RIN3: variants seen among roughly 807,000 people sequenced by gnomAD.
The protein encoded by RIN3 is RAB5 interacting protein 3.
A neutral mutation model predicts 76.3 loss-of-function variants in RIN3; 54 were observed. The observed-to-expected ratio is 0.71, with a 90% CI of 0.57 to 0.89. The LOEUF is 0.89. RIN3 is among the 40% of genes least tolerant of loss of function. The pLI is 0.00. For missense variants in RIN3, 1,256 were observed against 1,322.1 expected, an observed-to-expected ratio of 0.95 and a Z score of 0.78; for synonymous variants, 576 against 564.0, an observed-to-expected ratio of 1.02 and a Z score of -0.30.
rs77048291 is a variant in RIN3, at chr14:92,605,246, A to G, written c.368-10161A>G. On this transcript the variant is annotated intron_variant, in intron 3 of 9. Coordinates refer to ENST00000216487, the MANE Select transcript of RIN3 (RefSeq NM_024832.5). ...TTTATTTCTACATACTATGAGCACA[A>G]TAAGTCCTTGTTGATGAGTAAATAC... Among the ~76,000 whole-genome samples, 550 of 152,362 alleles carry G rather than the reference A, an allele frequency of 3.6e-3. 14 individuals carry two copies. The South Asian group carries it at 0.054, about 15-fold the overall frequency.
At chr14:92,601,358 G>T (rs11627029) in intron 3 of RIN3, among the ~76,000 whole-genome samples, 1 of 152,182 alleles carries the variant, frequency 6.6e-6, no homozygotes. Context: ...CCACGTCCTA[G>T]CCTCACCGCT....
At chr14:92,662,330 G>A (rs1202202359) in intron 7 of RIN3, among the ~76,000 whole-genome samples, 1 of 152,220 alleles carries the variant, frequency 6.6e-6, no homozygotes, top group Non-Finnish European at 1.5e-5. Context: ...GAGCCCCGGG[G>A]GACCCTTTGC....
chr14:92,588,214 C>CTTTTTTTTTTTTTT (rs141155255), intron 3 of RIN3, among the ~76,000 whole-genome samples: 1 of 58,760 alleles, frequency 1.7e-5, no homozygotes, highest in Non-Finnish European at 3.1e-5. Context: ...CCATAGCACT[C>CTTTTTTTTTTTTTT]TTTTTTTTTT....
intron 2 of RIN3, among the ~76,000 whole-genome samples, chr14:92,575,104 G>A (rs1898183023): frequency 6.6e-6 from 1 of 152,050 alleles, no homozygotes; most frequent in South Asian, 2.1e-4. Context: ...GACTAGGGAG[G>A]CCATTAATTA....
intron 3 of RIN3, among the ~76,000 whole-genome samples, chr14:92,608,469 A>G (rs752376663): frequency 2.6e-5 from 4 of 152,202 alleles, no homozygotes; most frequent in African/African-American, 4.8e-5. Context: ...AGATGCACAC[A>G]CAGTCTCTGC....
chr14:92,562,126 C>T (rs764635705), intron 2 of RIN3, among the ~76,000 whole-genome samples: 12 of 152,192 alleles, frequency 7.9e-5, no homozygotes, highest in Non-Finnish European at 1.6e-4. Context: ...TTTTGAGGAA[C>T]AGTGATCAGG....
In RIN3 at chr14:92,537,634, CTTTTTTTTTTTTT is replaced by C. The variant is rs576683908; in HGVS notation, c.45-18102_45-18090del. ...CAGCTATAAGTGAGTGCCTTAGGGA[CTTTTTTTTTTTTT>C]TTTTTTTTTTTTTTGGAGACAGAGT... is the stretch of plus-strand genomic sequence containing the variant. On this transcript the variant is annotated intron_variant, in intron 1 of 9. Transcript: ENST00000216487. 1.7e-4 allele frequency among the ~76,000 whole-genome samples: 9 copies of C among 51,638 alleles called. 1 individual carries two copies. Among genetic ancestry groups the C allele is most frequent in the African/African-American group, 3.9e-4 (5 of 12,822 alleles). 33.9% of individuals were successfully genotyped at this position (51,638 alleles called of 152,430 possible).
At chr14:92,526,198 G>A (rs1896725395) in intron 1 of RIN3, among the ~76,000 whole-genome samples, 1 of 152,210 alleles carries the variant, frequency 6.6e-6, no homozygotes, top group South Asian at 2.1e-4. Flanking sequence ...GTTCACGCCT[G>A]TAATCCCAGC....
At chr14:92,644,472 A>C (rs1200321639) in intron 5 of RIN3, 1 of 151,948 alleles carries the variant, frequency 6.6e-6, no homozygotes, top group Non-Finnish European at 1.5e-5. Flanking sequence ...CACAGACAAG[A>C]CCTTCTCTCC....
chr14:92,662,563 T>C (rs900745138), intron 7 of RIN3, among the ~76,000 whole-genome samples: 2 of 152,242 alleles, frequency 1.3e-5, no homozygotes, highest in African/African-American at 4.8e-5. Flanking sequence ...GAAGTTTGCA[T>C]GTGGCCCAGC....
At chr14:92,684,723 A>G (rs1595510896) in intron 8 of RIN3, among the ~76,000 whole-genome samples, 2 of 152,272 alleles carry the variant, frequency 1.3e-5, no homozygotes, top group African/African-American at 4.8e-5. Flanking sequence ...CATTTTTTAA[A>G]TAAGCAAGAG....
intron 3 of RIN3, among the ~76,000 whole-genome samples, chr14:92,589,460 G>A (rs1884902545): frequency 6.6e-6 from 1 of 152,134 alleles, no homozygotes; most frequent in South Asian, 2.1e-4. Flanking sequence ...GCAAATACTG[G>A]TCGACTGGCT....
chr14:92,521,606 C>T (rs940057370), intron 1 of RIN3, among the ~76,000 whole-genome samples: 21 of 152,242 alleles, frequency 1.4e-4, no homozygotes, highest in South Asian at 8.3e-4. Context: ...CATACCTGCT[C>T]CCCCTTCCCC....
rs74947040 is a variant in RIN3, at chr14:92,600,059, G to A, written c.368-15348G>A. ...TCAGAGACCCTCCAGTTCTATGCCT[G>A]TGGTGGATTTAGGGATAGGAGCAGT... On this transcript the variant is annotated intron_variant, in intron 3 of 9. Coordinates refer to ENST00000216487, the MANE Select transcript of RIN3 (RefSeq NM_024832.5). 5.1e-4 allele frequency among the ~76,000 whole-genome samples: 78 copies of A among 152,334 alleles called. 1 individual carries two copies. The East Asian group carries it at 0.012, about 23-fold the overall frequency.
chr14:92,688,058 C>CGGCT lies in RIN3; in HGVS notation c.2766_2769dup (p.Phe924AlafsTer141). On this transcript the variant is annotated frameshift_variant, in exon 10 of 10. Coordinates refer to ENST00000216487, the MANE Select transcript of RIN3 (RefSeq NM_024832.5). LOFTEE classifies it high-confidence loss of function. ...CGCGGTGGAGCGGCCGCAGGCGCACCGGCTGTTCGTGCTGGTGGACGGGCG... is the reference window on the plus strand; with the variant it reads ...CGCGGTGGAGCGGCCGCAGGCGCACCGGCTGGCTGTTCGTGCTGGTGGACGGGCG... The CGGCT allele has an allele frequency of 6.2e-7, 1 of 1,602,488 alleles. No individual in the cohort carries two copies. The highest frequency in any genetic ancestry group is 8.5e-7 in the Non-Finnish European group (1 of 1,175,908).
intron 2 of RIN3, among the ~76,000 whole-genome samples, chr14:92,570,313 G>C (rs986170102): frequency 1.0e-5 from 1 of 97,018 alleles, no homozygotes; most frequent in Admixed American, 1.2e-4. Flanking sequence ...GAGTTCCCTC[G>C]TGGCAGATAC....
At chr14:92,527,823 C>T (rs542378927) in intron 1 of RIN3, among the ~76,000 whole-genome samples, 5 of 152,236 alleles carry the variant, frequency 3.3e-5, no homozygotes, top group African/African-American at 9.6e-5. Context: ...TCGTGTGACT[C>T]GAGAGTCCAT....
chr14:92,643,900 C>T lies in RIN3; in HGVS notation c.532+2571C>T, dbSNP rs535266088. Among the ~76,000 whole-genome samples, 22 of 151,782 alleles carry T rather than the reference C, an allele frequency of 1.4e-4. No homozygotes were observed. Among genetic ancestry groups the T allele is most frequent in the Admixed American group, 9.8e-4 (15 of 15,246 alleles). On this transcript the variant is annotated intron_variant, in intron 5 of 9. Transcript: ENST00000216487. This position sits in a 1 kb window ranked among gnomAD's most constrained non-coding sequence, Gnocchi z 4.8. The stretch of plus-strand genomic sequence containing the variant: ...CTGAGATTGCCCCACTGCACTCCAG[C>T]GTGGGCAACAGACTGAGACTCTGCC...
Position 92,685,421 on chromosome 14 carries a change from C to T in RIN3, c.2631+271C>T. The stretch of plus-strand genomic sequence containing the variant: ...GGGTGCAGGAGGAATGAGACACACC[C>T]ATCATTCCTTAGCCCCTCCTAGGAC... On this transcript the variant is annotated intron_variant, in intron 9 of 9. Transcript: ENST00000216487. This position sits in a 1 kb window ranked among gnomAD's most constrained non-coding sequence, Gnocchi z 4.7. The T allele has an allele frequency of 2.2e-6, 1 of 451,172 alleles. No individual in the cohort carries two copies. The highest frequency in any genetic ancestry group is 4.1e-6 in the Non-Finnish European group (1 of 245,954). 27.9% of individuals were successfully genotyped at this position (451,172 alleles called of 1,614,324 possible).
Sources: gnomAD v4.1 joint callset for allele counts (sites outside exome capture counted in the v4.1 genomes callset) on GRCh38, gnomAD v4.1.1 for gene constraint, Gnocchi (gnomAD v3.1) non-coding constraint, MANE v1.5 for transcripts, NCBI Gene and HGNC (gene_info 2026-07-23, HGNC 2026-07-21) for gene names.